The following PXDNL variants were observed in gnomAD, a reference collection of about 807,000 sequenced individuals.
PXDNL encodes the protein peroxidasin like.
Under a neutral mutation model 150.8 loss-of-function variants are expected in PXDNL, and 145 were observed. The ratio of observed to expected loss-of-function variants is 0.96; its 90% CI spans 0.84 to 1.10. The LOEUF (loss-of-function observed/expected upper bound fraction) is 1.10. Ranked by LOEUF, PXDNL falls within the 50% of genes least tolerant of loss-of-function variation. The pLI is 0.00. For missense variants in PXDNL, 2,087 were observed against 1,873.9 expected, an observed-to-expected ratio of 1.11 and a Z score of -2.10; for synonymous variants, 757 against 725.7, an observed-to-expected ratio of 1.04 and a Z score of -0.69.
chr8:51,436,078 C>A, intron 12 of PXDNL: 1 of 514,076 alleles, frequency 1.9e-6, no homozygotes, highest in South Asian at 1.5e-5. Context: ...GACTGGAAAC[C>A]TTTTGAAAGG....
At chr8:51,517,161 A>AT (rs1811559748) in intron 4 of PXDNL, among the ~76,000 whole-genome samples, 1 of 152,002 alleles carries the variant, frequency 6.6e-6, no homozygotes, top group Non-Finnish European at 1.5e-5. Flanking sequence ...AAAAATCTAG[A>AT]TTTTTTAGAT....
At chr8:51,352,155 C>A (rs570833778) in intron 19 of PXDNL, among the ~76,000 whole-genome samples, 2 of 151,774 alleles carry the variant, frequency 1.3e-5, no homozygotes, top group South Asian at 4.2e-4. Flanking sequence ...TAATTCCCAC[C>A]ATAAAAAAAA....
At chr8:51,711,817 T>C (rs955228568) in intron 1 of PXDNL, among the ~76,000 whole-genome samples, 2 of 152,278 alleles carry the variant, frequency 1.3e-5, no homozygotes, top group Non-Finnish European at 2.9e-5. Flanking sequence ...TAATTTTCAT[T>C]AGGCATATCT....
At chr8:51,692,315 C>G (rs1816021371) in intron 1 of PXDNL, among the ~76,000 whole-genome samples, 1 of 151,990 alleles carries the variant, frequency 6.6e-6, no homozygotes, top group South Asian at 2.1e-4. Flanking sequence ...AGAAAGACAA[C>G]TATTAAATTA....
chr8:51,458,928 A>G (rs980980), intron 8 of PXDNL, among the ~76,000 whole-genome samples: 36,313 of 152,008 alleles, frequency 0.24, 6,547 homozygotes, highest in African/African-American at 0.51. Flanking sequence ...GCTATTGGGT[A>G]TAAAAACCCA....
intron 1 of PXDNL, among the ~76,000 whole-genome samples, chr8:51,760,136 T>G (rs925207994): frequency 2.6e-5 from 4 of 152,240 alleles, no homozygotes; most frequent in Non-Finnish European, 5.9e-5. Context: ...CATCAAAAAC[T>G]GATTGTCTGT....
chr8:51,654,298 C>T (rs1490355518), intron 2 of PXDNL, among the ~76,000 whole-genome samples: 2 of 152,176 alleles, frequency 1.3e-5, no homozygotes, highest in East Asian at 3.9e-4. Flanking sequence ...TAGAGTATCA[C>T]AAATAAGAAG....
intron 5 of PXDNL, among the ~76,000 whole-genome samples, chr8:51,498,108 G>A (rs10092388): frequency 0.36 from 53,958 of 151,186 alleles, 11,482 homozygotes; most frequent in African/African-American, 0.6. Flanking sequence ...GCCATAAAAA[G>A]TGATGAGTTC....
chr8:51,549,721 C>CA (rs1285440259), intron 4 of PXDNL, among the ~76,000 whole-genome samples: 6 of 144,452 alleles, frequency 4.2e-5, no homozygotes, highest in East Asian at 3.9e-4. Flanking sequence ...ATGCATAAAT[C>CA]AAAAAATCTA....
chr8:51,697,935 G>A lies in PXDNL; in HGVS notation c.165-43175C>T, dbSNP rs117704879. Among the ~76,000 whole-genome samples, 1,294 of 152,278 alleles carry A rather than the reference G, an allele frequency of 8.5e-3. 9 individuals are homozygous for A. The highest frequency in any genetic ancestry group is 0.017 in the Middle Eastern group (5 of 294). On this transcript the variant is annotated intron_variant, in intron 1 of 22. Coordinates refer to ENST00000356297, the MANE Select transcript of PXDNL (RefSeq NM_144651.5). The stretch of plus-strand genomic sequence containing the variant: ...TGGTTTTCCTGTACAAACATGTTAC[G>A]TTTAGACTATACTATGGTCTTTTAA...
In PXDNL at chr8:51,374,651, G is replaced by A. The variant is rs1322463489; in HGVS notation, c.3638C>T (p.Pro1213Leu). 6.2e-7 allele frequency: 1 copy of A among 1,613,800 alleles called. No homozygotes were observed. Among genetic ancestry groups the A allele is most frequent in the Admixed American group, 1.7e-5 (1 of 60,006 alleles). ...GGTAACAAACAGGCACATAAGTGTT[G>A]GTCCCACTCTTGTACCAGGAATCAG... ...EDLIPGTRVGPTLMCLFVTQF... is the reference protein window; with the variant it reads ...EDLIPGTRVGLTLMCLFVTQF... The change falls in exon 18 of 23, where the codon CCA becomes CTA. Residue 1213 changes from proline (P) to leucine (L), a missense_variant. Transcript: ENST00000356297.
At chr8:51,476,685 C>T (rs1253445314) in intron 6 of PXDNL, among the ~76,000 whole-genome samples, 1 of 152,052 alleles carries the variant, frequency 6.6e-6, no homozygotes. Context: ...TCATTTCTCC[C>T]AATGGGTTAA....
intron 4 of PXDNL, among the ~76,000 whole-genome samples, chr8:51,500,211 G>A (rs936779892): frequency 6.6e-6 from 1 of 152,140 alleles, no homozygotes; most frequent in African/African-American, 2.4e-5. Context: ...GTCAAAGTAT[G>A]GCATATTTGA....
In PXDNL at chr8:51,588,389, T is replaced by C. The variant is rs898832476; in HGVS notation, c.308+4238A>G. 4.6e-5 allele frequency among the ~76,000 whole-genome samples: 7 copies of C among 152,204 alleles called. No individual in the cohort carries two copies. In the East Asian group the frequency reaches 7.7e-4, roughly 17 times the overall value. On this transcript the variant is annotated intron_variant, in intron 3 of 22. Coordinates refer to ENST00000356297, the MANE Select transcript of PXDNL (RefSeq NM_144651.5). Reference sequence around the variant, plus strand: ...TGTTCACCATGTACTGCTTCACACATCTGTTATCCTTGCCTTTTAAATAAC... The same window carrying C: ...TGTTCACCATGTACTGCTTCACACACCTGTTATCCTTGCCTTTTAAATAAC...
chr8:51,718,448 T>G (rs1038617507), intron 1 of PXDNL, among the ~76,000 whole-genome samples: 2 of 152,222 alleles, frequency 1.3e-5, no homozygotes, highest in African/African-American at 4.8e-5. Context: ...ATGCATATAC[T>G]TTCCAGCATT....
chr8:51,524,567 C>T (rs542690882), intron 4 of PXDNL, among the ~76,000 whole-genome samples: 2 of 152,068 alleles, frequency 1.3e-5, no homozygotes, highest in African/African-American at 2.4e-5. Context: ...AAGCACAAAA[C>T]ATAAATGTAT....
intron 4 of PXDNL, among the ~76,000 whole-genome samples, chr8:51,533,558 G>A (rs1479736971): frequency 7.2e-6 from 1 of 138,466 alleles, no homozygotes; most frequent in South Asian, 2.4e-4. Flanking sequence ...AAGCTGGACG[G>A]TACTGCTGCC....
chr8:51,794,746 C>T (rs938717407), intron 1 of PXDNL, among the ~76,000 whole-genome samples: 4 of 152,158 alleles, frequency 2.6e-5, no homozygotes, highest in Admixed American at 2.6e-4. Flanking sequence ...GAAGCAACTA[C>T]ATCAACAAGT....
intron 5 of PXDNL, among the ~76,000 whole-genome samples, chr8:51,485,245 A>G (rs1319869216): frequency 1.3e-5 from 2 of 152,272 alleles, no homozygotes; most frequent in African/African-American, 4.8e-5. Context: ...TGAGAAGATA[A>G]AAAGTTTTCC....
Sources: gnomAD v4.1 joint callset for allele counts (sites outside exome capture counted in the v4.1 genomes callset) on GRCh38, gnomAD v4.1.1 for gene constraint, MANE v1.5 for transcripts, NCBI Gene and HGNC (gene_info 2026-07-23, HGNC 2026-07-21) for gene names.